The following SSC5D variants were observed in gnomAD, a reference collection of about 807,000 sequenced individuals.
SSC5D encodes the protein soluble scavenger receptor cysteine-rich domain-containing protein SSC5D.
SSC5D carries 106 observed loss-of-function variants against 104.6 expected under a neutral mutation model. That is an observed-to-expected ratio of 1.01 (90% CI 0.87 to 1.19). The LOEUF (loss-of-function observed/expected upper bound fraction) is 1.19, where lower values mean the gene tolerates loss of function less well. SSC5D is among the 50% of genes most tolerant of loss of function. The pLI is 0.00. For synonymous variants in SSC5D, 860 were observed against 883.5 expected, an observed-to-expected ratio of 0.97 and a Z score of 0.47; for missense variants, 1,993 against 2,153.8, an observed-to-expected ratio of 0.93 and a Z score of 1.48.
chr19:55,500,754 G>C lies in SSC5D; in HGVS notation c.2567G>C (p.Trp856Ser), dbSNP rs2123444187. Residue 856 changes from tryptophan to serine, a missense_variant, in exon 11 of 14, where the codon TGG becomes TCG. Coordinates refer to ENST00000389623, the MANE Select transcript of SSC5D (RefSeq NM_001144950.2). This position sits in a 1 kb window ranked among gnomAD's most constrained non-coding sequence, Gnocchi z 4.6. ...CTGAGCGACTGCCCCTCGGGGGCTT[G>C]GGGGAAGCACAACTGTGACCACGAG... is the stretch of plus-strand genomic sequence containing the variant. Reference protein sequence around the residue: ...ASLSDCPSGAWGKHNCDHEED... With the variant: ...ASLSDCPSGASGKHNCDHEED... The C allele has an allele frequency of 6.4e-7, 1 of 1,551,616 alleles. No homozygotes were observed. Among genetic ancestry groups the C allele is most frequent in the South Asian group, 1.2e-5 (1 of 84,058 alleles).
intron 12 of SSC5D, among the ~76,000 whole-genome samples, chr19:55,502,724 C>T (rs956390341): frequency 6.6e-6 from 1 of 152,104 alleles, no homozygotes; most frequent in African/African-American, 2.4e-5. Flanking sequence ...GGTGCGATCT[C>T]AGTTCACTGC....
rs1213719419 is a variant in SSC5D at position 55,499,953 on chromosome 19, A to C, written c.1843A>C (p.Lys615Gln). The C allele has an allele frequency of 7.1e-6, 11 of 1,551,944 alleles. No homozygotes were observed. Among genetic ancestry groups the C allele is most frequent in the East Asian group, 2.4e-5 (1 of 40,906 alleles). ...AAGTGTGACTGCCAGTGTTCTGGAG[A>C]AAACAACCACGAAGGCCCCAGGGAA... is the stretch of plus-strand genomic sequence containing the variant. ...SASVTASVLE[K>Q]TTTKAPGKMP... The change falls in exon 10 of 14, where the codon AAA (lysine) becomes CAA (glutamine). Residue 615 changes from lysine to glutamine, a missense_variant. Physicochemically the swap from Lys to Gln is moderately conservative, Grantham distance 53 (BLOSUM62 1). This residue lies in a region of SSC5D where 1,101 missense variants were observed against 1,085.0 expected (regional missense o/e 1.01). Transcript: ENST00000389623.
Position 55,489,577 on chromosome 19 carries a change from CGAG to C in SSC5D, c.278_280del (p.Glu93del). 2 of 1,516,034 alleles carry C rather than the reference CGAG, an allele frequency of 1.3e-6. No homozygotes were observed. Among genetic ancestry groups the C allele is most frequent in the Non-Finnish European group, 1.8e-6 (2 of 1,137,104 alleles). 93.9% of individuals were successfully genotyped at this position (1,516,034 alleles called of 1,614,324 possible). A position where few individuals can be genotyped will look rare whatever the true frequency, so the allele number is the denominator to read the frequency against. On this transcript the variant is annotated inframe_deletion, in exon 3 of 14. Transcript: ENST00000389623. ...TCAGCGAGCTGGCTTGCCGGGGCAACGAGGGGCAGCTGGGCCTCTGCCACCACC... is the reference window on the plus strand; with the variant it reads ...TCAGCGAGCTGGCTTGCCGGGGCAACGGGCAGCTGGGCCTCTGCCACCACC...
chr19:55,493,742 G>A lies in SSC5D; in HGVS notation c.1043G>A (p.Gly348Glu), dbSNP rs1987220452. The A allele has an allele frequency of 6.6e-7, 1 of 1,525,640 alleles. No individual in the cohort carries two copies. The highest frequency in any genetic ancestry group is 1.2e-5 in the South Asian group (1 of 82,198). The allele number at this position is 1,525,640 out of a possible 1,614,324, so 94.5% of individuals were successfully genotyped here. Reference sequence around the variant, plus strand: ...GTGGCCTGCCGAGAGCTGGGCTGCGGAGGGGCGCTGGCCGCCCCCGGGGGC... The same window carrying A: ...GTGGCCTGCCGAGAGCTGGGCTGCGAAGGGGCGCTGGCCGCCCCCGGGGGC... Reference protein sequence around the residue: ...AAVACRELGCGGALAAPGGAF... With the variant: ...AAVACRELGCEGALAAPGGAF... The change falls in exon 7 of 14, where the codon GGA (glycine) becomes GAA (glutamate). Residue 348 changes from glycine (G) to glutamate (E), a missense_variant. Transcript: ENST00000389623.
chr19:55,489,722 C>G, intron 3 of SSC5D, 60 bp downstream of exon 3: 1 of 1,512,702 alleles, frequency 6.6e-7, no homozygotes, highest in Non-Finnish European at 8.9e-7. Flanking sequence ...CCAGGAACCC[C>G]AAGTCCTTAG....
intron 8 of SSC5D, among the ~76,000 whole-genome samples, chr19:55,495,233 A>ATTTTT (rs74181759): frequency 3.9e-5 from 2 of 50,654 alleles, no homozygotes; most frequent in Non-Finnish European, 6.4e-5. Flanking sequence ...ATATATATAT[A>ATTTTT]TTTTTTTTTT....
intron 8 of SSC5D, among the ~76,000 whole-genome samples, chr19:55,496,032 G>A (rs910664042): frequency 2.0e-5 from 3 of 150,950 alleles, no homozygotes; most frequent in Admixed American, 6.6e-5. Flanking sequence ...TGAGCCACCC[G>A]GCCAGGTGCA....
intron 9 of SSC5D, 130 bp from the exon 10 acceptor site, chr19:55,499,686 G>C: frequency 5.0e-6 from 4 of 793,090 alleles, no homozygotes; most frequent in East Asian, 2.7e-5. Context: ...ATAAATATTT[G>C]TGACAATAAA....
chr19:55,504,342 G>A, intron 12 of SSC5D: 1 of 1,407,462 alleles, frequency 7.1e-7, no homozygotes, highest in Non-Finnish European at 9.2e-7. Flanking sequence ...GAAATGAAAA[G>A]ACAGCCATGT....
intron 12 of SSC5D, among the ~76,000 whole-genome samples, chr19:55,509,850 C>CAAAAAA (rs1250937223): frequency 7.9e-5 from 6 of 75,992 alleles, no homozygotes; most frequent in Admixed American, 1.5e-4. Flanking sequence ...AACTCTGTCT[C>CAAAAAA]AAAAAAAAAA....
At position 55,489,578 on chromosome 19, in the gene SSC5D, G is replaced by A. The variant is rs1020893817; in HGVS notation, c.277G>A (p.Glu93Lys). The A allele has an allele frequency of 1.2e-5, 18 of 1,517,188 alleles. No homozygotes were observed. The East Asian group carries it at 2.0e-4, about 17-fold the overall frequency. The allele number at this position is 1,517,188 out of a possible 1,614,324, so 94.0% of individuals were successfully genotyped here. A position where few individuals can be genotyped will look rare whatever the true frequency, so the allele number is the denominator to read the frequency against. ...CAGCGAGCTGGCTTGCCGGGGCAAC[G>A]AGGGGCAGCTGGGCCTCTGCCACCA... is the stretch of plus-strand genomic sequence containing the variant. ...WLSELACRGN[E>K]GQLGLCHHRG... is the part of the protein sequence containing the mutation. The change falls in exon 3 of 14, where the codon GAG (glutamate) becomes AAG (lysine). Residue 93 changes from glutamate (E) to lysine (K), a missense_variant. By Grantham distance (56) the Glu-to-Lys change is moderately conservative. Around this residue, in one of 6 missense-constraint regions of SSC5D, gnomAD observed 1,101 missense variants for 1,085.0 expected, o/e 1.01. Transcript: ENST00000389623.
chr19:55,491,650 TC>T (rs1234111982), intron 6 of SSC5D: 1 of 154,456 alleles, frequency 6.5e-6, no homozygotes, highest in Non-Finnish European at 1.4e-5. Flanking sequence ...CGGGGTCTCC[TC>T]CCCTCATGTC....
At chr19:55,507,902 T>C (rs1987674436) in intron 12 of SSC5D, among the ~76,000 whole-genome samples, 1 of 150,550 alleles carries the variant, frequency 6.6e-6, no homozygotes, top group South Asian at 2.1e-4. Flanking sequence ...CAGGGGAGAG[T>C]GACAATGGCT....
At chr19:55,496,124 C>T (rs1293777957) in intron 8 of SSC5D, among the ~76,000 whole-genome samples, 1 of 152,070 alleles carries the variant, frequency 6.6e-6, no homozygotes, top group East Asian at 1.9e-4. Context: ...TGAAGAATTT[C>T]AGTGGGGCCG....
At chr19:55,506,654 A>C (rs1189123056) in intron 12 of SSC5D, among the ~76,000 whole-genome samples, 1 of 151,810 alleles carries the variant, frequency 6.6e-6, no homozygotes, top group Non-Finnish European at 1.5e-5. Context: ...TCGGCCTCCC[A>C]AAGTGCTGGG....
rs1430804182 is a variant in SSC5D at position 55,489,070 on chromosome 19, C to CT, written c.52+38_52+39insT. On this transcript the variant is annotated intron_variant, in intron 2 of 13. Coordinates refer to ENST00000389623, the MANE Select transcript of SSC5D (RefSeq NM_001144950.2). Reference sequence around the variant, plus strand: ...ACTCCTCCCATCTGCCCGCCCCCCCCCCCAGGCCTCCCCCTTCTGCCCATC... The same window carrying CT: ...ACTCCTCCCATCTGCCCGCCCCCCCCTCCCAGGCCTCCCCCTTCTGCCCATC... The CT allele has an allele frequency of 3.7e-6, 4 of 1,083,566 alleles. No homozygotes were observed. The East Asian group carries it at 1.3e-4, about 34-fold the overall frequency. 67.1% of individuals were successfully genotyped at this position (1,083,566 alleles called of 1,614,324 possible).
rs1468984480 is a variant in SSC5D at position 55,503,807 on chromosome 19, T to C, written c.2785+2606T>C. ...CCGCAGGAGAGTCTCGCCGCAAGCG[T>C]CCTTTCCCGCCTTTTTTTTTTCTGG... On this transcript the variant is annotated intron_variant, in intron 12 of 13. Coordinates refer to ENST00000389623, the MANE Select transcript of SSC5D (RefSeq NM_001144950.2). This position sits in a 1 kb window ranked among gnomAD's most constrained non-coding sequence, Gnocchi z 4.0. 7.4e-6 allele frequency among the ~76,000 whole-genome samples: 1 copy of C among 135,764 alleles called. No individual in the cohort carries two copies. The highest frequency in any genetic ancestry group is 1.6e-5 in the Non-Finnish European group (1 of 63,906). 89.1% of individuals were successfully genotyped at this position (135,764 alleles called of 152,430 possible). A position where few individuals can be genotyped will look rare whatever the true frequency, so the allele number is the denominator to read the frequency against.
At position 55,489,418 on chromosome 19, in the gene SSC5D, G is replaced by A. The variant is rs1303506023; in HGVS notation, c.117G>A (p.Gly39=). ...CAGRLEVWHG[G]RWGTVCDDGW... is the part of the protein sequence containing the mutation. ...GCCGCCTGGAGGTCTGGCATGGCGG[G>A]CGCTGGGGCACCGTGTGTGATGACG... The change falls in exon 3 of 14, where the codon GGG becomes GGA. Residue 39 remains glycine, a synonymous_variant. Coordinates refer to ENST00000389623, the MANE Select transcript of SSC5D (RefSeq NM_001144950.2). 3 of 1,491,080 alleles carry A rather than the reference G, an allele frequency of 2.0e-6. No individual in the cohort carries two copies. The highest frequency in any genetic ancestry group is 2.7e-6 in the Non-Finnish European group (3 of 1,127,370). 92.4% of individuals were successfully genotyped at this position (1,491,080 alleles called of 1,614,324 possible).
At chr19:55,506,967 G>C (rs1448556433) in intron 12 of SSC5D, among the ~76,000 whole-genome samples, 1 of 151,960 alleles carries the variant, frequency 6.6e-6, no homozygotes, top group East Asian at 2.0e-4. Context: ...AGGAGTTCAA[G>C]ACCAGCCTGG....
Sources: allele counts gnomAD v4.1 joint callset (sites outside exome capture counted in the v4.1 genomes callset), GRCh38; gene constraint gnomAD v4.1.1; regional missense constraint gnomAD v4.1.1; non-coding constraint Gnocchi (gnomAD v3.1); transcripts MANE v1.5; gene names NCBI Gene and HGNC (gene_info 2026-07-23, HGNC 2026-07-21).